Variants in KCNH1 observed in about 807,000 individuals in gnomAD.
KCNH1 encodes the protein potassium voltage-gated channel subfamily H member 1.
In KCNH1, 27 loss-of-function variants were observed where a neutral mutation model predicts 69.2. The observed-to-expected ratio is 0.39, with a 90% CI of 0.29 to 0.54. The LOEUF (loss-of-function observed/expected upper bound fraction) is 0.54, where lower values mean the gene tolerates loss of function less well. Among genes scored for constraint, KCNH1 ranks in the 20% least tolerant of loss-of-function variants. KCNH1 has a pLI of 0.68. For missense variants in KCNH1, 798 were observed against 1,261.6 expected (o/e 0.63, Z 5.57); for synonymous variants, 456 against 487.7 (o/e 0.93, Z 0.86).
chr1:210,691,903 A>T (rs561144933), intron 10 of KCNH1, among the ~76,000 whole-genome samples: 2 of 152,340 alleles, frequency 1.3e-5, no homozygotes, highest in East Asian at 1.9e-4. Flanking sequence ...TCCCTGGAGG[A>T]TGCTGAGGTT....
intron 7 of KCNH1, among the ~76,000 whole-genome samples, chr1:210,829,842 C>A (rs1051673091): frequency 2.6e-5 from 4 of 152,164 alleles, no homozygotes; most frequent in Non-Finnish European, 5.9e-5. Context: ...GCATTTATTA[C>A]CTTCTAACGA....
At chr1:210,778,033 A>G (rs1683896183) in intron 9 of KCNH1, among the ~76,000 whole-genome samples, 1 of 152,202 alleles carries the variant, frequency 6.6e-6, no homozygotes, top group African/African-American at 2.4e-5. Context: ...AAGGGGTCAC[A>G]TGTATATGCT....
intron 6 of KCNH1, among the ~76,000 whole-genome samples, chr1:210,986,201 G>A (rs1688830318): frequency 6.6e-6 from 1 of 152,178 alleles, no homozygotes. Flanking sequence ...TGGGTCTCCT[G>A]AATACAGCAC....
intron 7 of KCNH1, among the ~76,000 whole-genome samples, chr1:210,867,202 G>A (rs1686127756): frequency 6.6e-6 from 1 of 151,766 alleles, no homozygotes; most frequent in Non-Finnish European, 1.5e-5. Flanking sequence ...GGTGATGGTT[G>A]CACAACTCAA....
intron 7 of KCNH1, among the ~76,000 whole-genome samples, chr1:210,887,920 A>G (rs994626765): frequency 4.6e-5 from 7 of 152,048 alleles, no homozygotes; most frequent in African/African-American, 9.7e-5. Flanking sequence ...AGCAAGTTCT[A>G]AGAGACCTAC....
chr1:211,101,604 CTCAGCAAGCAAA>C (rs1691258744), intron 3 of KCNH1, among the ~76,000 whole-genome samples: 1 of 152,174 alleles, frequency 6.6e-6, no homozygotes, highest in South Asian at 2.1e-4. Flanking sequence ...CCATGGAGGA[CTCAGCAAGCAAA>C]TCACAAGCTG....
intron 10 of KCNH1, among the ~76,000 whole-genome samples, chr1:210,756,524 G>T (rs1263790445): frequency 6.6e-6 from 1 of 152,204 alleles, no homozygotes; most frequent in Non-Finnish European, 1.5e-5. Context: ...GCTGCCTGTT[G>T]CAAGAGGTTT....
intron 6 of KCNH1, among the ~76,000 whole-genome samples, chr1:210,923,320 C>G (rs1446271276): frequency 6.6e-6 from 1 of 152,224 alleles, no homozygotes; most frequent in South Asian, 2.1e-4. Context: ...CATCCAGCCT[C>G]TCCTCGACCA....
At chr1:210,832,171 T>G (rs1685176086) in intron 7 of KCNH1, among the ~76,000 whole-genome samples, 1 of 152,184 alleles carries the variant, frequency 6.6e-6, no homozygotes, top group African/African-American at 2.4e-5. Context: ...AGTTCCTCTC[T>G]GAATATGTCC....
At chr1:210,911,333 A>C (rs1203586422) in intron 7 of KCNH1, among the ~76,000 whole-genome samples, 1 of 152,276 alleles carries the variant, frequency 6.6e-6, no homozygotes, top group South Asian at 2.1e-4. Context: ...GACTCATCTC[A>C]TTGACTCATC....
intron 9 of KCNH1, among the ~76,000 whole-genome samples, chr1:210,788,646 A>C (rs540931652): frequency 7.4e-6 from 1 of 134,260 alleles, no homozygotes; most frequent in South Asian, 2.4e-4. Context: ...GTGGTTTTGC[A>C]TTTCTGAAAT....
At chr1:211,020,692 G>T (rs983633267) in intron 5 of KCNH1, among the ~76,000 whole-genome samples, 2 of 151,692 alleles carry the variant, frequency 1.3e-5, no homozygotes, top group Admixed American at 6.6e-5. Context: ...AAACAAAAAA[G>T]AAAACTACAA....
intron 7 of KCNH1, among the ~76,000 whole-genome samples, chr1:210,899,872 A>G (rs1644552628): frequency 6.6e-6 from 1 of 152,260 alleles, no homozygotes; most frequent in African/African-American, 2.4e-5. Context: ...GCTAAGGCCC[A>G]GGCTGTTAAT....
At chr1:211,124,573 C>G (rs1291991427) in intron 1 of KCNH1, among the ~76,000 whole-genome samples, 1 of 151,948 alleles carries the variant, frequency 6.6e-6, no homozygotes, top group Non-Finnish European at 1.5e-5. Context: ...GCCGAGATCG[C>G]GCCACTGCAC....
chr1:211,003,496 T>G (rs1431614406), intron 6 of KCNH1, among the ~76,000 whole-genome samples: 2 of 152,180 alleles, frequency 1.3e-5, no homozygotes, highest in African/African-American at 4.8e-5. Context: ...TGATCCAGGC[T>G]TCTGCTGTTA....
intron 10 of KCNH1, among the ~76,000 whole-genome samples, chr1:210,746,625 G>A (rs1683168348): frequency 6.6e-6 from 1 of 151,432 alleles, no homozygotes; most frequent in African/African-American, 2.4e-5. Context: ...TCAGCTCACT[G>A]CAACCTCCAC....
intron 10 of KCNH1, among the ~76,000 whole-genome samples, chr1:210,744,420 C>T (rs1443589519): frequency 6.6e-6 from 1 of 152,038 alleles, no homozygotes; most frequent in African/African-American, 2.4e-5. Flanking sequence ...CCTAGGCAGG[C>T]GGATCACGAG....
At chr1:211,040,367 A>T (rs1431243294) in intron 5 of KCNH1, among the ~76,000 whole-genome samples, 1 of 152,092 alleles carries the variant, frequency 6.6e-6, no homozygotes, top group African/African-American at 2.4e-5. Flanking sequence ...GGGGGTGCTA[A>T]TTGAATTGTG....
intron 6 of KCNH1, among the ~76,000 whole-genome samples, chr1:210,935,638 T>G (rs1253010639): frequency 6.6e-6 from 1 of 152,176 alleles, no homozygotes; most frequent in Non-Finnish European, 1.5e-5. Context: ...ATGTGCCAAT[T>G]AAAAATAATG....
Sources: allele counts gnomAD v4.1 joint callset (sites outside exome capture counted in the v4.1 genomes callset), GRCh38; gene constraint gnomAD v4.1.1; transcripts MANE v1.5; gene names NCBI Gene and HGNC (gene_info 2026-07-23, HGNC 2026-07-21).